Variants in CTTNBP2 observed in about 807,000 individuals in gnomAD.
CTTNBP2 encodes the protein cortactin-binding protein 2.
In CTTNBP2, 108 loss-of-function variants were observed where a neutral mutation model predicts 156.9. The observed-to-expected ratio is 0.69, with a 90% CI of 0.59 to 0.81. The LOEUF (loss-of-function observed/expected upper bound fraction) is 0.81, where lower values mean the gene tolerates loss of function less well. Ranked by LOEUF, CTTNBP2 falls within the 30% of genes least tolerant of loss-of-function variation. The pLI is 0.00. For synonymous variants in CTTNBP2, 767 were observed against 751.8 expected (o/e 1.02, Z -0.33); for missense variants, 1,924 against 2,035.4 (o/e 0.95, Z 1.05).
intron 12 of CTTNBP2, among the ~76,000 whole-genome samples, chr7:117,752,849 G>A (rs1562973560): frequency 1.3e-5 from 2 of 152,076 alleles, no homozygotes; most frequent in Non-Finnish European, 2.9e-5. Flanking sequence ...TAACTTGTAT[G>A]GAGTATCTAT....
At chr7:117,758,110 A>G in intron 10 of CTTNBP2, 140 bp from the exon 11 acceptor site, 1 of 612,160 alleles carries the variant, frequency 1.6e-6, no homozygotes, top group South Asian at 2.1e-5. Context: ...GAACACATAT[A>G]GGGCCACACA....
At chr7:117,820,698 T>C (rs935737076) in intron 2 of CTTNBP2, among the ~76,000 whole-genome samples, 2 of 152,244 alleles carry the variant, frequency 1.3e-5, no homozygotes, top group Non-Finnish European at 2.9e-5. Flanking sequence ...TGACTCTATT[T>C]CTGGATTCTT....
intron 2 of CTTNBP2, among the ~76,000 whole-genome samples, chr7:117,843,859 C>T (rs1318447021): frequency 6.6e-6 from 1 of 152,166 alleles, no homozygotes; most frequent in African/African-American, 2.4e-5. Flanking sequence ...TGTCCACATC[C>T]TAATCTCCGG....
At chr7:117,867,202 C>T (rs1340447485) in intron 1 of CTTNBP2, among the ~76,000 whole-genome samples, 2 of 152,114 alleles carry the variant, frequency 1.3e-5, no homozygotes, top group East Asian at 1.9e-4. Context: ...TCTCTCTCTA[C>T]AAGGAGGAAA....
chr7:117,717,758 C>A (rs1260486853), intron 22 of CTTNBP2, among the ~76,000 whole-genome samples: 7 of 146,350 alleles, frequency 4.8e-5, no homozygotes, highest in South Asian at 2.1e-4. Context: ...AAAAAAAAAA[C>A]ATGGAGATCT....
chr7:117,730,506 G>A (rs976793320), intron 16 of CTTNBP2, among the ~76,000 whole-genome samples: 1 of 152,132 alleles, frequency 6.6e-6, no homozygotes, highest in African/African-American at 2.4e-5. Context: ...CTCAAGAAGA[G>A]ACAAGGCTTA....
chr7:117,862,999 G>A (rs1803874977), intron 1 of CTTNBP2, among the ~76,000 whole-genome samples: 1 of 152,204 alleles, frequency 6.6e-6, no homozygotes, highest in Non-Finnish European at 1.5e-5. Context: ...CATCCTGTCA[G>A]TCAGCCAACA....
chr7:117,764,664 T>C (rs2116680909), intron 9 of CTTNBP2, among the ~76,000 whole-genome samples: 1 of 152,332 alleles, frequency 6.6e-6, no homozygotes, highest in Non-Finnish European at 1.5e-5. Flanking sequence ...ATAGATAAAA[T>C]TTATTTTTAA....
At chr7:117,862,645 AC>A (rs1173897339) in intron 1 of CTTNBP2, among the ~76,000 whole-genome samples, 3 of 152,206 alleles carry the variant, frequency 2.0e-5, no homozygotes, top group Non-Finnish European at 4.4e-5. Context: ...AAGCTCAGTC[AC>A]CATCACAGGG....
At chr7:117,748,979 C>T (rs1001919434) in intron 12 of CTTNBP2, among the ~76,000 whole-genome samples, 8 of 152,186 alleles carry the variant, frequency 5.3e-5, no homozygotes, top group Admixed American at 3.3e-4. Flanking sequence ...AGGAAACAGG[C>T]CCTAACCAGA....
chr7:117,719,588 G>C lies in CTTNBP2; in HGVS notation c.4560C>G (p.Leu1520=). 6.2e-7 allele frequency: 1 copy of C among 1,613,206 alleles called. No individual in the cohort carries two copies. Among genetic ancestry groups the C allele is most frequent in the Non-Finnish European group, 8.5e-7 (1 of 1,179,226 alleles). The change falls in exon 21 of 23, where the codon CTC becomes CTG. Residue 1520 remains leucine, a synonymous_variant. Transcript: ENST00000160373. ...CTGCTTCGTCATCTGAACCCAGAGAGAGTCTCTGATCCAAATTCAACGTCA... is the reference window on the plus strand; with the variant it reads ...CTGCTTCGTCATCTGAACCCAGAGACAGTCTCTGATCCAAATTCAACGTCA... The part of the protein sequence containing the change: ...LSLTLNLDQR[L]SLGSDDEADL...
At position 117,745,949 on chromosome 7, in the gene CTTNBP2, G is replaced by A. The variant is rs767324158; in HGVS notation, c.3436-19C>T. On this transcript the variant is annotated intron_variant, in intron 13 of 22. Transcript: ENST00000160373. ...GTCTGTGCTGTGATAAGAAAATAGG[G>A]TGATTAGTTCTACGCACTTGCCAAT... 1 of 1,611,656 alleles carries A rather than the reference G, an allele frequency of 6.2e-7. No individual in the cohort carries two copies. The highest frequency in any genetic ancestry group is 8.5e-7 in the Non-Finnish European group (1 of 1,177,730).
intron 3 of CTTNBP2, among the ~76,000 whole-genome samples, chr7:117,797,209 T>G (rs1329748957): frequency 6.6e-6 from 1 of 152,146 alleles, no homozygotes; most frequent in Admixed American, 6.5e-5. Flanking sequence ...AATTACACAT[T>G]CATGGGGCAG....
chr7:117,846,255 T>C (rs945168372), intron 2 of CTTNBP2, among the ~76,000 whole-genome samples: 10 of 152,112 alleles, frequency 6.6e-5, no homozygotes, highest in African/African-American at 2.4e-4. Context: ...CCATGTGAAA[T>C]ACTGTATAGT....
intron 17 of CTTNBP2, 94 bp from the exon 18 acceptor site, chr7:117,725,351 A>T (rs1357891333): frequency 8.7e-7 from 1 of 1,145,062 alleles, no homozygotes; most frequent in East Asian, 2.3e-5. Context: ...CTATGGGGAA[A>T]AAACGTTAAG....
rs1047141888 is a variant in CTTNBP2 at position 117,791,737 on chromosome 7, G to A, written c.1459C>T (p.Leu487=). 2 of 1,614,198 alleles carry A rather than the reference G, an allele frequency of 1.2e-6. No individual in the cohort carries two copies. The highest frequency in any genetic ancestry group is 1.7e-6 in the Non-Finnish European group (2 of 1,180,032). ...TSRDNLVAKQ[L]ARNTVTQALS... Reference sequence around the variant, plus strand: ...GCTTGGGTCACAGTATTCCGAGCTAGTTGTTTGGCCACTAGGTTGTCACGA... The same window carrying A: ...GCTTGGGTCACAGTATTCCGAGCTAATTGTTTGGCCACTAGGTTGTCACGA... The change falls in exon 4 of 23, where the codon CTA becomes TTA. Residue 487 remains leucine (L), a synonymous_variant. Coordinates refer to ENST00000160373, the MANE Select transcript of CTTNBP2 (RefSeq NM_033427.3).
chr7:117,860,290 A>C (rs993731276), intron 2 of CTTNBP2, among the ~76,000 whole-genome samples: 1 of 152,160 alleles, frequency 6.6e-6, no homozygotes, highest in Non-Finnish European at 1.5e-5. Context: ...GATCCAGAAT[A>C]CTTAATTGGA....
At chr7:117,850,127 CA>C (rs1802843373) in intron 2 of CTTNBP2, among the ~76,000 whole-genome samples, 1 of 152,004 alleles carries the variant, frequency 6.6e-6, no homozygotes, top group African/African-American at 2.4e-5. Flanking sequence ...TCCAATTCTT[CA>C]ACATTTCTCC....
In CTTNBP2 at chr7:117,711,435, T is replaced by C; in HGVS notation, c.*102A>G. 7.7e-7 allele frequency: 1 copy of C among 1,301,936 alleles called. No individual in the cohort carries two copies. Among genetic ancestry groups the C allele is most frequent in the Admixed American group, 2.4e-5 (1 of 42,364 alleles). 80.6% of individuals were successfully genotyped at this position (1,301,936 alleles called of 1,614,324 possible). On this transcript the variant is annotated 3_prime_UTR_variant, in exon 23 of 23. Transcript: ENST00000160373. ...GTGGTCCCGCACTCATAATTTATAT[T>C]ACAGTGAAAACATTTTATCAATTTA...
Sources: gnomAD v4.1 joint callset for allele counts (sites outside exome capture counted in the v4.1 genomes callset) on GRCh38, gnomAD v4.1.1 for gene constraint, MANE v1.5 for transcripts, NCBI Gene and HGNC (gene_info 2026-07-23, HGNC 2026-07-21) for gene names.